The following PPP2R3B variants were observed in gnomAD, a reference collection of about 807,000 sequenced individuals.
PPP2R3B encodes serine/threonine-protein phosphatase 2A regulatory subunit B'' subunit beta.
Under a neutral mutation model 72.9 loss-of-function variants are expected in PPP2R3B, and 68 were observed. The observed-to-expected ratio is 0.93, with a 90% confidence interval of 0.77 to 1.14. PPP2R3B has a LOEUF of 1.14. Ranked by LOEUF, PPP2R3B falls within the 50% of genes most tolerant of loss-of-function variation. The probability of loss-of-function intolerance (pLI) is 0.00; values close to 1 mark genes in which losing one functional copy is unlikely to be tolerated. For synonymous variants in PPP2R3B, 466 were observed against 375.8 expected, an observed-to-expected ratio of 1.24 and a Z score of -2.78; for missense variants, 1,018 against 842.0, an observed-to-expected ratio of 1.21 and a Z score of -2.59.
intron 1 of PPP2R3B, among the ~76,000 whole-genome samples, chrX:363,540 A>T (rs1253625389): frequency 4.9e-3 from 59 of 12,078 alleles, no homozygotes; most frequent in South Asian, 0.016. Context: ...CATCTCCCCG[A>T]GCCCGCGATC....
chrX:353,755 C>T (rs1257666141), intron 2 of PPP2R3B, among the ~76,000 whole-genome samples: 19 of 151,676 alleles, frequency 1.3e-4, no homozygotes, highest in Admixed American at 2.6e-4. Flanking sequence ...GGGGGCTCAC[C>T]CAAAGACCGG....
intron 1 of PPP2R3B, among the ~76,000 whole-genome samples, chrX:370,764 A>G (rs1345213145): frequency 6.6e-6 from 1 of 152,086 alleles, no homozygotes; most frequent in Non-Finnish European, 1.5e-5. Context: ...TGGCCTTGGG[A>G]GGGGAACGGC....
rs371339059 is a variant in PPP2R3B at position 338,761 on chromosome X, G to C, written c.1470+17C>G. 7.4e-6 allele frequency: 12 copies of C among 1,611,846 alleles called. No individual in the cohort carries two copies. Among genetic ancestry groups the C allele is most frequent in the Non-Finnish European group, 1.0e-5 (12 of 1,179,424 alleles). ...CACGGCGTGGCGCGGCCCGGCCCGC[G>C]TGCCCGCCGCACTCACCCTGAGCAG... On this transcript the variant is annotated intron_variant, in intron 11 of 12. Transcript: ENST00000390665.
chrX:356,049 A>C (rs769192851), intron 2 of PPP2R3B, among the ~76,000 whole-genome samples: 1 of 152,298 alleles, frequency 6.6e-6, no homozygotes, highest in East Asian at 1.9e-4. Flanking sequence ...GAAACACGTA[A>C]GGTGGTCAAC....
chrX:381,759 C>T (rs1258717176), intron 1 of PPP2R3B, among the ~76,000 whole-genome samples: 1 of 151,864 alleles, frequency 6.6e-6, no homozygotes, highest in Non-Finnish European at 1.5e-5. Context: ...CCACCACGCC[C>T]GGCTAATTTT....
chrX:341,794 CAA>C (rs1268478521), intron 8 of PPP2R3B, 87 bp downstream of exon 8: 2 of 1,440,386 alleles, frequency 1.4e-6, no homozygotes, highest in African/African-American at 2.8e-5. Flanking sequence ...TGTCGGGGCA[CAA>C]AAAGCTCACG....
At chrX:334,783 C>T (rs2070844209) in intron 12 of PPP2R3B, 2 of 405,752 alleles carry the variant, frequency 4.9e-6, no homozygotes, top group Non-Finnish European at 8.7e-6. Flanking sequence ...CACAGAGGAC[C>T]TGGGCGGGCG....
At chrX:374,681 C>T (rs2071950818) in intron 1 of PPP2R3B, among the ~76,000 whole-genome samples, 2 of 152,100 alleles carry the variant, frequency 1.3e-5, no homozygotes, top group African/African-American at 2.4e-5. Context: ...GAAAGCCTCC[C>T]GGGTCCCCGA....
rs1449913074 is a variant in PPP2R3B at position 341,846 on chromosome X, G to A, written c.1085+37C>T. ...GGAGAGGGACCGGGGTCCTCGCAGG[G>A]GCAATGGCTGCCGTCAGGCGCCTGA... On this transcript the variant is annotated intron_variant, in intron 8 of 12. Coordinates refer to ENST00000390665, the MANE Select transcript of PPP2R3B (RefSeq NM_013239.5). 6 of 1,609,656 alleles carry A rather than the reference G, an allele frequency of 3.7e-6. No individual in the cohort carries two copies. The African/African-American group carries it at 5.3e-5, about 14-fold the overall frequency.
In PPP2R3B at chrX:341,315, T is replaced by C. The variant is rs201080731; in HGVS notation, c.1167A>G (p.Thr389=). 3,312 of 1,612,400 alleles carry C rather than the reference T, an allele frequency of 2.1e-3. 9 individuals carry two copies. Among genetic ancestry groups the C allele is most frequent in the Non-Finnish European group, 2.7e-3 (3,183 of 1,179,644 alleles). The change falls in exon 9 of 13, where the codon ACA becomes ACG. Residue 389 remains threonine (T), a synonymous_variant. Transcript: ENST00000390665. ...CCGCAGCAGGAACCCACCTGGTCGG[T>C]GTTTTTTTGTCTTCCTCAGAGATCA... ...WFLISEEDKK[T]PTSIEYWFRC...
At chrX:367,862 G>C (rs1392555898) in intron 1 of PPP2R3B, among the ~76,000 whole-genome samples, 1 of 152,040 alleles carries the variant, frequency 6.6e-6, no homozygotes, top group Non-Finnish European at 1.5e-5. Flanking sequence ...TTTTGAGATG[G>C]AAAAAGAGCA....
rs778150774 is a variant in PPP2R3B, at chrX:361,471, G to C, written c.444C>G (p.Ile148Met). The C allele has an allele frequency of 3.1e-6, 5 of 1,613,988 alleles. No individual in the cohort carries two copies. The highest frequency in any genetic ancestry group is 2.2e-5 in the East Asian group (1 of 44,864). ...GGGGGAACCGGGCGAAGGTGCTCTC[G>C]ATCTTGCTGATGACGGCATCCACGT... ...SVNVDAVISK[I>M]ESTFARFPHE... is the part of the protein sequence containing the mutation. Residue 148 changes from isoleucine to methionine, a missense_variant, in exon 2 of 13, where the codon ATC becomes ATG. Physicochemically the swap from Ile to Met is conservative, Grantham distance 10. Coordinates refer to ENST00000390665, the MANE Select transcript of PPP2R3B (RefSeq NM_013239.5).
chrX:373,696 CGCCGCGCTCT>C, intron 1 of PPP2R3B: 1 of 162,712 alleles, frequency 6.1e-6, no homozygotes, highest in South Asian at 1.6e-4. Context: ...CCGGGCCGGG[CGCCGCGCTCT>C]CGGGGCAGGG....
chrX:358,941 G>C (rs1428221642), intron 2 of PPP2R3B, among the ~76,000 whole-genome samples: 1 of 149,502 alleles, frequency 6.7e-6, no homozygotes, highest in Non-Finnish European at 1.5e-5. Context: ...CACCGCGGCG[G>C]GGGTAGGGGA....
At chrX:371,527 C>G (rs2071864040) in intron 1 of PPP2R3B, among the ~76,000 whole-genome samples, 1 of 152,058 alleles carries the variant, frequency 6.6e-6, no homozygotes, top group African/African-American at 2.4e-5. Flanking sequence ...TGGGACGTCG[C>G]ACAGTCAGAA....
chrX:345,326 G>A (rs2071175653), intron 7 of PPP2R3B, 190 bp downstream of exon 7: 1 of 838,090 alleles, frequency 1.2e-6, no homozygotes, highest in Non-Finnish European at 2.0e-6. Flanking sequence ...CGCACGCGGG[G>A]ACCCAGACAC....
chrX:381,593 C>CTTTTTTTTTT lies in PPP2R3B; in HGVS notation c.324+4765_324+4774dup, dbSNP rs950950107. 4.2e-5 allele frequency among the ~76,000 whole-genome samples: 4 copies of CTTTTTTTTTT among 95,060 alleles called. 1 individual carries two copies. The highest frequency in any genetic ancestry group is 1.7e-4 in the African/African-American group (4 of 23,496). 62.4% of individuals were successfully genotyped at this position (95,060 alleles called of 152,430 possible). ...ATGGGATGGACAGGAACAAGCTCAT[C>CTTTTTTTTTT]TTTTTTTTTTTTTTTTTTTTTTTGA... On this transcript the variant is annotated intron_variant, in intron 1 of 12. Coordinates refer to ENST00000390665, the MANE Select transcript of PPP2R3B (RefSeq NM_013239.5).
intron 10 of PPP2R3B, 114 bp from the exon 11 acceptor site, chrX:339,010 G>A (rs2070977418): frequency 3.5e-6 from 3 of 855,132 alleles, no homozygotes; most frequent in Non-Finnish European, 4.0e-6. Context: ...CGAAGCTCCG[G>A]GCTCTCACGC....
intron 2 of PPP2R3B, among the ~76,000 whole-genome samples, chrX:356,824 G>T (rs75770019): frequency 0.11 from 10,824 of 100,608 alleles, 656 homozygotes; most frequent in African/African-American, 0.17. Flanking sequence ...CAGCCACACG[G>T]GAGCCCCACG....
Sources: gnomAD v4.1 joint callset for allele counts (sites outside exome capture counted in the v4.1 genomes callset) on GRCh38, gnomAD v4.1.1 for gene constraint, MANE v1.5 for transcripts, NCBI Gene and HGNC (gene_info 2026-07-23, HGNC 2026-07-21) for gene names.